Variants in TMCC1 observed in about 807,000 individuals in gnomAD.
The protein encoded by TMCC1 is transmembrane and coiled-coil domains protein 1.
Under a neutral mutation model 52.4 loss-of-function variants are expected in TMCC1, and 15 were observed. The observed-to-expected ratio is 0.29, with a 90% confidence interval of 0.19 to 0.44. The LOEUF is 0.44. TMCC1 is among the 20% of genes least tolerant of loss of function. The pLI is 1.00. For synonymous variants in TMCC1, 279 were observed against 301.9 expected (o/e 0.92, Z 0.79); for missense variants, 503 against 806.0 (o/e 0.62, Z 4.55).
chr3:129,773,924 T>C (rs573106488), intron 4 of TMCC1, among the ~76,000 whole-genome samples: 9 of 152,244 alleles, frequency 5.9e-5, no homozygotes, highest in East Asian at 1.9e-4. Context: ...GCCTGGGCAA[T>C]AGAGATACAC....
At chr3:129,708,217 TGGG>T (rs1396639538) in intron 4 of TMCC1, among the ~76,000 whole-genome samples, 1 of 152,176 alleles carries the variant, frequency 6.6e-6, no homozygotes, top group Admixed American at 6.5e-5. Context: ...TGTTTCCTCT[TGGG>T]GTGTTTTATG....
At chr3:129,821,990 G>A (rs750365242) in intron 4 of TMCC1, among the ~76,000 whole-genome samples, 7 of 152,132 alleles carry the variant, frequency 4.6e-5, no homozygotes, top group East Asian at 1.9e-4. Context: ...TTGAGCCTGG[G>A]AAGTCGAGGC....
chr3:129,891,158 T>C (rs1156764590), intron 1 of TMCC1, among the ~76,000 whole-genome samples: 1 of 152,246 alleles, frequency 6.6e-6, no homozygotes, highest in Non-Finnish European at 1.5e-5. Context: ...TTCTCCTTAA[T>C]GAGGCCTCCT....
chr3:129,754,268 T>C (rs931460083), intron 4 of TMCC1, among the ~76,000 whole-genome samples: 1 of 152,178 alleles, frequency 6.6e-6, no homozygotes, highest in African/African-American at 2.4e-5. Context: ...ACCATGTCAT[T>C]TACTGGAAGA....
At chr3:129,689,201 G>A (rs551341378) in intron 4 of TMCC1, among the ~76,000 whole-genome samples, 150 of 152,316 alleles carry the variant, frequency 9.8e-4, no homozygotes, top group African/African-American at 3.4e-3. Flanking sequence ...TGAAATCTAA[G>A]CAAGAGATTA....
chr3:129,728,144 T>C (rs1211239361), intron 4 of TMCC1, among the ~76,000 whole-genome samples: 2 of 152,202 alleles, frequency 1.3e-5, no homozygotes, highest in Admixed American at 6.5e-5. Flanking sequence ...ATGGGACATT[T>C]AGGGATATAA....
At chr3:129,794,938 G>A (rs2056721733) in intron 4 of TMCC1, among the ~76,000 whole-genome samples, 2 of 152,178 alleles carry the variant, frequency 1.3e-5, no homozygotes, top group South Asian at 4.1e-4. Context: ...AGGAGGTGGT[G>A]AAAAGCAAGC....
chr3:129,834,333 G>A (rs2059057900), intron 2 of TMCC1, among the ~76,000 whole-genome samples: 1 of 152,174 alleles, frequency 6.6e-6, no homozygotes, highest in African/African-American at 2.4e-5. Flanking sequence ...AATGGGTAAG[G>A]CTGGGAAGTT....
intron 4 of TMCC1, among the ~76,000 whole-genome samples, chr3:129,793,839 G>C (rs2056636307): frequency 6.6e-6 from 1 of 152,148 alleles, no homozygotes; most frequent in Non-Finnish European, 1.5e-5. Flanking sequence ...AAGTATTCAA[G>C]TTTCTCAACA....
intron 1 of TMCC1, among the ~76,000 whole-genome samples, chr3:129,888,035 T>C (rs1467124498): frequency 6.6e-6 from 1 of 152,034 alleles, no homozygotes; most frequent in Non-Finnish European, 1.5e-5. Flanking sequence ...ATGAGTGCTG[T>C]CTATAAAACT....
intron 4 of TMCC1, among the ~76,000 whole-genome samples, chr3:129,684,009 G>A (rs1324671978): frequency 6.6e-6 from 1 of 152,206 alleles, no homozygotes; most frequent in African/African-American, 2.4e-5. Flanking sequence ...TAAAGTTGGT[G>A]TAAATGCCTG....
At chr3:129,854,690 CCTTT>C (rs2060073860) in intron 2 of TMCC1, among the ~76,000 whole-genome samples, 1 of 152,306 alleles carries the variant, frequency 6.6e-6, no homozygotes, top group Admixed American at 6.5e-5. Context: ...TCCCATCTAT[CCTTT>C]CTTTGCCAAG....
chr3:129,871,703 C>T (rs2060938637), intron 2 of TMCC1, among the ~76,000 whole-genome samples: 1 of 151,308 alleles, frequency 6.6e-6, no homozygotes, highest in South Asian at 2.1e-4. Flanking sequence ...ACGGCTCCTA[C>T]AAATTCATAA....
chr3:129,795,737 C>T (rs1408120784), intron 4 of TMCC1, among the ~76,000 whole-genome samples: 2 of 152,128 alleles, frequency 1.3e-5, no homozygotes, highest in Non-Finnish European at 2.9e-5. Flanking sequence ...AACTGCATGC[C>T]GTTCTGAGTA....
intron 4 of TMCC1, among the ~76,000 whole-genome samples, chr3:129,796,520 G>A (rs545029881): frequency 2.0e-5 from 3 of 152,138 alleles, no homozygotes; most frequent in East Asian, 1.9e-4. Flanking sequence ...GTAATTTCTC[G>A]CTCTAAAACC....
intron 4 of TMCC1, among the ~76,000 whole-genome samples, chr3:129,728,474 T>C (rs1169050700): frequency 3.9e-5 from 6 of 152,116 alleles, no homozygotes; most frequent in Non-Finnish European, 1.5e-5. Flanking sequence ...TTAGTAGAGA[T>C]GGGGTTTCAC....
intron 4 of TMCC1, among the ~76,000 whole-genome samples, chr3:129,765,237 CATTA>C (rs2061102345): frequency 6.6e-6 from 1 of 151,588 alleles, no homozygotes; most frequent in African/African-American, 2.4e-5. Context: ...TTAAGAATTC[CATTA>C]ATTAGTAACT....
intron 4 of TMCC1, among the ~76,000 whole-genome samples, chr3:129,763,902 T>TAA (rs199688769): frequency 1.4e-5 from 2 of 139,960 alleles, no homozygotes; most frequent in Non-Finnish European, 3.1e-5. Context: ...TCTACTTACT[T>TAA]AAAAAAAAAA....
chr3:129,832,008 C>T (rs1350766595), intron 3 of TMCC1, among the ~76,000 whole-genome samples: 1 of 152,088 alleles, frequency 6.6e-6, no homozygotes, highest in Admixed American at 6.5e-5. Context: ...GCGCCCACCA[C>T]CACAGCTGGC....
Sources: allele counts gnomAD v4.1 joint callset (sites outside exome capture counted in the v4.1 genomes callset), GRCh38; gene constraint gnomAD v4.1.1; transcripts MANE v1.5; gene names NCBI Gene and HGNC (gene_info 2026-07-23, HGNC 2026-07-21).